Variants in CCDC60 observed in about 807,000 individuals in gnomAD.
The protein encoded by CCDC60 is coiled-coil domain-containing protein 60.
CCDC60 carries 54 observed loss-of-function variants against 63.5 expected under a neutral mutation model. The observed-to-expected ratio is 0.85, with a 90% CI of 0.68 to 1.07. The LOEUF is 1.07. CCDC60 is among the 50% of genes least tolerant of loss of function. The probability of loss-of-function intolerance (pLI) is 0.00; values close to 1 mark genes in which losing one functional copy is unlikely to be tolerated. For synonymous variants in CCDC60, 206 were observed against 238.8 expected (o/e 0.86, Z 1.27); for missense variants, 651 against 684.3 (o/e 0.95, Z 0.54).
At chr12:119,523,546 C>A in intron 10 of CCDC60, 147 bp from the exon 11 acceptor site, 2 of 986,778 alleles carry the variant, frequency 2.0e-6, no homozygotes, top group Non-Finnish European at 2.9e-6. Flanking sequence ...CTTAGGGAGG[C>A]TCCAGGTGAG....
intron 13 of CCDC60, among the ~76,000 whole-genome samples, chr12:119,535,415 T>G (rs532832026): frequency 6.6e-6 from 1 of 152,332 alleles, no homozygotes; most frequent in East Asian, 1.9e-4. Flanking sequence ...TCTATCTCCT[T>G]CAGTTCTGCT....
chr12:119,524,095 T>TAGATG (rs1289517269), intron 11 of CCDC60, among the ~76,000 whole-genome samples: 1 of 152,150 alleles, frequency 6.6e-6, no homozygotes, highest in South Asian at 2.1e-4. Flanking sequence ...TGGGGAAATC[T>TAGATG]GGGAAGACCT....
chr12:119,499,681 G>T (rs1427112712), intron 5 of CCDC60, among the ~76,000 whole-genome samples: 2 of 152,104 alleles, frequency 1.3e-5, no homozygotes, highest in Non-Finnish European at 2.9e-5. Context: ...GTGTCTCTCA[G>T]AAATGTCCCT....
Position 119,410,800 on chromosome 12 carries a change from T to C in CCDC60, c.91-17883T>C, listed in dbSNP as rs1254313932. On this transcript the variant is annotated intron_variant, in intron 1 of 13. Coordinates refer to ENST00000327554, the MANE Select transcript of CCDC60 (RefSeq NM_178499.5). This position sits in a 1 kb window ranked among gnomAD's most constrained non-coding sequence, Gnocchi z 4.0. The stretch of plus-strand genomic sequence containing the variant: ...CTCTGTCACTCGGGCTGCAGTGCGG[T>C]GGCGCGATCTCAGCTCACTGCAGCC... 1.3e-5 allele frequency among the ~76,000 whole-genome samples: 2 copies of C among 152,222 alleles called. No homozygotes were observed. Among genetic ancestry groups the C allele is most frequent in the Non-Finnish European group, 2.9e-5 (2 of 68,044 alleles).
chr12:119,503,608 G>A (rs1357007458), intron 6 of CCDC60, among the ~76,000 whole-genome samples: 1 of 152,176 alleles, frequency 6.6e-6, no homozygotes, highest in Non-Finnish European at 1.5e-5. Context: ...CACAGGGAGA[G>A]ATCATATGTT....
chr12:119,451,018 C>A (rs186634243), intron 2 of CCDC60, among the ~76,000 whole-genome samples: 1 of 151,966 alleles, frequency 6.6e-6, no homozygotes, highest in East Asian at 1.9e-4. Flanking sequence ...AGGGAGTGGC[C>A]CTTGTGCAGG....
At chr12:119,400,397 T>G (rs1005577111) in intron 1 of CCDC60, among the ~76,000 whole-genome samples, 1 of 152,108 alleles carries the variant, frequency 6.6e-6, no homozygotes, top group Admixed American at 6.5e-5. Context: ...TAGCACTGGG[T>G]GGAGGAAGAT....
chr12:119,364,234 A>G (rs893006031), intron 1 of CCDC60, among the ~76,000 whole-genome samples: 1 of 152,080 alleles, frequency 6.6e-6, no homozygotes, highest in African/African-American at 2.4e-5. Context: ...TGTAATTTAC[A>G]TATAACCAAA....
In CCDC60 at chr12:119,337,328, C is replaced by T. The variant is rs575828899; in HGVS notation, c.90+2062C>T. On this transcript the variant is annotated intron_variant, in intron 1 of 13. Transcript: ENST00000327554. ...AAGAGGGAAATGAACACTTCAATAG[C>T]GAGGGTGAACATCAGAGCGGGAGCA... is the stretch of plus-strand genomic sequence containing the variant. 3.3e-5 allele frequency among the ~76,000 whole-genome samples: 5 copies of T among 152,290 alleles called. No homozygotes were observed. The South Asian group carries it at 6.2e-4, about 19-fold the overall frequency.
chr12:119,488,814 A>G lies in CCDC60; in HGVS notation c.505A>G (p.Ile169Val), dbSNP rs769587106. The G allele has an allele frequency of 5.6e-6, 9 of 1,614,086 alleles. No homozygotes were observed. The South Asian group carries it at 8.8e-5, about 16-fold the overall frequency. Residue 169 changes from isoleucine to valine, a missense_variant, in exon 5 of 14, where the codon ATT becomes GTT. Ile to Val is a conservative substitution (Grantham distance 29). Coordinates refer to ENST00000327554, the MANE Select transcript of CCDC60 (RefSeq NM_178499.5). ...CCACTGGCTTCTGGAGGCCCTGACTATTGACCACACCCACCACACCATGAA... is the reference window on the plus strand; with the variant it reads ...CCACTGGCTTCTGGAGGCCCTGACTGTTGACCACACCCACCACACCATGAA... ...ALHWLLEALT[I>V]DHTHHTMKPV... is the part of the protein sequence containing the mutation.
chr12:119,506,423 T>G (rs368321528), intron 7 of CCDC60, among the ~76,000 whole-genome samples: 21 of 123,634 alleles, frequency 1.7e-4, no homozygotes, highest in African/African-American at 6.0e-4. Flanking sequence ...GGCAACGTGG[T>G]GAAACCTCAT....
At chr12:119,505,835 A>G (rs1281578894) in intron 7 of CCDC60, among the ~76,000 whole-genome samples, 1 of 152,256 alleles carries the variant, frequency 6.6e-6, no homozygotes, top group African/African-American at 2.4e-5. Context: ...AGCCTGGGCC[A>G]CAGAGGAAGA....
rs1955456458 is a variant in CCDC60, at chr12:119,335,077, G to A, written c.-100G>A. The A allele has an allele frequency of 2.3e-6, 2 of 884,466 alleles. No homozygotes were observed. The highest frequency in any genetic ancestry group is 3.5e-6 in the Non-Finnish European group (2 of 564,680). 54.8% of individuals were successfully genotyped at this position (884,466 alleles called of 1,614,324 possible). A position where few individuals can be genotyped will look rare whatever the true frequency, so the allele number is the denominator to read the frequency against. On this transcript the variant is annotated 5_prime_UTR_variant, in exon 1 of 14. Transcript: ENST00000327554. ...GTAATTGGGACTTGGGGATCAGGGA[G>A]AAGTTGCCGAAACTTCTCATACCAG...
intron 1 of CCDC60, among the ~76,000 whole-genome samples, chr12:119,344,853 TCTCACACACACA>T (rs1206503012): frequency 1.3e-3 from 131 of 104,176 alleles, no homozygotes; most frequent in African/African-American, 4.4e-3. Flanking sequence ...TCTCTCTCTC[TCTCACACACACA>T]CACACACACA....
At chr12:119,474,028 C>T (rs1442416880) in intron 3 of CCDC60, among the ~76,000 whole-genome samples, 1 of 152,124 alleles carries the variant, frequency 6.6e-6, no homozygotes. Flanking sequence ...ACTTTTAGTT[C>T]TTTAAGGAAA....
At chr12:119,419,787 CCTT>C (rs1956775293) in intron 1 of CCDC60, among the ~76,000 whole-genome samples, 1 of 152,044 alleles carries the variant, frequency 6.6e-6, no homozygotes, top group South Asian at 2.1e-4. Flanking sequence ...GACAGTCTCT[CCTT>C]CTACCACCTC....
At chr12:119,373,985 A>T (rs1033158847) in intron 1 of CCDC60, among the ~76,000 whole-genome samples, 8 of 151,696 alleles carry the variant, frequency 5.3e-5, no homozygotes, top group African/African-American at 1.9e-4. Flanking sequence ...AGAGAACTTT[A>T]TCTTTTTTTT....
chr12:119,457,176 GTGCACT>G (rs1950764276), intron 2 of CCDC60, among the ~76,000 whole-genome samples: 1 of 152,160 alleles, frequency 6.6e-6, no homozygotes, highest in African/African-American at 2.4e-5. Context: ...AGGTGCATGT[GTGCACT>G]TTGCTCAGAC....
chr12:119,478,367 C>A (rs1030082534), intron 3 of CCDC60, among the ~76,000 whole-genome samples: 2 of 151,648 alleles, frequency 1.3e-5, no homozygotes, highest in Admixed American at 6.6e-5. Context: ...ACCACCCCCC[C>A]CCAAAAAAAA....
Sources: allele counts gnomAD v4.1 joint callset (sites outside exome capture counted in the v4.1 genomes callset), GRCh38; gene constraint gnomAD v4.1.1; non-coding constraint Gnocchi (gnomAD v3.1); transcripts MANE v1.5; gene names NCBI Gene and HGNC (gene_info 2026-07-23, HGNC 2026-07-21).